The following HIP1 variants were observed in gnomAD, a reference collection of about 807,000 sequenced individuals.
HIP1 encodes huntingtin-interacting protein 1.
Under a neutral mutation model 147.6 loss-of-function variants are expected in HIP1, and 65 were observed. That is an observed-to-expected ratio of 0.44 (90% confidence interval 0.36 to 0.54). The LOEUF (loss-of-function observed/expected upper bound fraction) is 0.54. Ranked by LOEUF, HIP1 falls within the 20% of genes least tolerant of loss-of-function variation. The pLI is 0.00. For synonymous variants in HIP1, 479 were observed against 504.0 expected, an observed-to-expected ratio of 0.95 and a Z score of 0.67; for missense variants, 1,061 against 1,299.6, an observed-to-expected ratio of 0.82 and a Z score of 2.82.
chr7:75,719,271 A>G (rs147654561), intron 1 of HIP1, among the ~76,000 whole-genome samples: 2,812 of 152,110 alleles, frequency 0.018, 59 homozygotes, highest in African/African-American at 0.044. Context: ...TTGGGAGGCC[A>G]AGGCGGGCGG....
intron 14 of HIP1, among the ~76,000 whole-genome samples, chr7:75,559,198 T>C (rs967449844): frequency 8.5e-5 from 13 of 152,168 alleles, no homozygotes. Flanking sequence ...CACTGCAGCC[T>C]TGAATTCCTG....
chr7:75,575,655 A>C (rs1187757076), intron 7 of HIP1, among the ~76,000 whole-genome samples: 4 of 152,044 alleles, frequency 2.6e-5, no homozygotes, highest in Non-Finnish European at 5.9e-5. Flanking sequence ...CTCCCTCCAC[A>C]CTAACCTCCT....
chr7:75,536,503 G>A lies in HIP1; in HGVS notation c.*1669C>T, dbSNP rs1554488687. 4.4e-6 allele frequency: 1 copy of A among 229,506 alleles called. No individual in the cohort carries two copies. Among genetic ancestry groups the A allele is most frequent in the Admixed American group, 5.7e-5 (1 of 17,606 alleles). The allele number at this position is 229,506 out of a possible 1,614,324, so 14.2% of individuals were successfully genotyped here. A position where few individuals can be genotyped will look rare whatever the true frequency, so the allele number is the denominator to read the frequency against. On this transcript the variant is annotated 3_prime_UTR_variant, in exon 31 of 31. Transcript: ENST00000336926. ...TGAGTTGCTATAGATAAAGAAGGAA[G>A]ACGCTGTTTTTCCAAGATCAGAAGG...
intron 8 of HIP1, among the ~76,000 whole-genome samples, chr7:75,570,736 G>A (rs1250654139): frequency 2.6e-5 from 4 of 152,108 alleles, no homozygotes; most frequent in South Asian, 2.1e-4. Context: ...GCCAGCTGCA[G>A]TGGCTCACAA....
intron 1 of HIP1, among the ~76,000 whole-genome samples, chr7:75,637,375 G>A (rs1251881241): frequency 2.6e-5 from 4 of 152,034 alleles, no homozygotes; most frequent in Non-Finnish European, 4.4e-5. Flanking sequence ...AGGGTGATTC[G>A]GTTTAGTGGC....
At chr7:75,643,596 G>A (rs1268972761) in intron 1 of HIP1, among the ~76,000 whole-genome samples, 3 of 152,218 alleles carry the variant, frequency 2.0e-5, no homozygotes, top group Non-Finnish European at 2.9e-5. Context: ...CAGTGGGATG[G>A]GAAGGGTTAG....
At chr7:75,737,468 C>T (rs561483839) in intron 1 of HIP1, among the ~76,000 whole-genome samples, 3 of 152,218 alleles carry the variant, frequency 2.0e-5, no homozygotes, top group African/African-American at 7.2e-5. Flanking sequence ...CCTCAGCCTC[C>T]CAAGTAGCTG....
chr7:75,716,176 G>T (rs1388760167), intron 1 of HIP1, among the ~76,000 whole-genome samples: 2 of 151,972 alleles, frequency 1.3e-5, no homozygotes, highest in East Asian at 3.8e-4. Context: ...TTACTTTCCA[G>T]TATGGAAAGT....
At chr7:75,694,214 G>A (rs551222732) in intron 1 of HIP1, among the ~76,000 whole-genome samples, 2 of 151,956 alleles carry the variant, frequency 1.3e-5, no homozygotes, top group African/African-American at 2.4e-5. Context: ...CACCGCGCCC[G>A]GCCCCAATTC....
chr7:75,596,863 G>A (rs975880923), intron 2 of HIP1, among the ~76,000 whole-genome samples: 9 of 152,304 alleles, frequency 5.9e-5, no homozygotes, highest in Non-Finnish European at 1.2e-4. Flanking sequence ...TGACCCTGCC[G>A]CTGCAGGCCT....
chr7:75,728,850 G>A (rs1801736363), intron 1 of HIP1, among the ~76,000 whole-genome samples: 1 of 149,614 alleles, frequency 6.7e-6, no homozygotes, highest in African/African-American at 2.5e-5. Context: ...CCCTGATGGT[G>A]CCATATCAGG....
intron 4 of HIP1, among the ~76,000 whole-genome samples, chr7:75,587,672 T>C (rs1032588998): frequency 4.6e-5 from 7 of 152,134 alleles, no homozygotes; most frequent in African/African-American, 1.7e-4. Context: ...TACTTAAGAA[T>C]GTTGAGTCTG....
chr7:75,582,280 G>A (rs1220427276), intron 5 of HIP1, 129 bp from the exon 6 acceptor site: 21 of 684,772 alleles, frequency 3.1e-5, no homozygotes, highest in African/African-American at 1.8e-4. Flanking sequence ...GCTTGAGCCC[G>A]GGAGTTCAAG....
Position 75,585,971 on chromosome 7 carries a change from C to G in HIP1, c.465+782G>C, listed in dbSNP as rs781862845. ...CTGGGACTACAGTTGCACACTACCA[C>G]GCCCGGCTAATTTTTAAATTTTTTT... On this transcript the variant is annotated intron_variant, in intron 5 of 30. Transcript: ENST00000336926. 2.6e-5 allele frequency among the ~76,000 whole-genome samples: 4 copies of G among 151,778 alleles called. No homozygotes were observed. The South Asian group carries it at 6.2e-4, about 24-fold the overall frequency.
At chr7:75,689,600 TA>T (rs538089704) in intron 1 of HIP1, among the ~76,000 whole-genome samples, 16 of 152,304 alleles carry the variant, frequency 1.1e-4, no homozygotes, top group Non-Finnish European at 2.1e-4. Context: ...AGATATACAT[TA>T]TATGCATATA....
chr7:75,558,529 A>G (rs781819528), intron 14 of HIP1, among the ~76,000 whole-genome samples: 3 of 151,968 alleles, frequency 2.0e-5, no homozygotes, highest in Non-Finnish European at 2.9e-5. Flanking sequence ...GGGTCTCACT[A>G]TGTTTTCCAG....
At chr7:75,712,899 A>G (rs1554520232) in intron 1 of HIP1, among the ~76,000 whole-genome samples, 2 of 152,130 alleles carry the variant, frequency 1.3e-5, no homozygotes, top group East Asian at 1.9e-4. Context: ...CTGACTTGCT[A>G]ACTCATTTAC....
At chr7:75,593,216 CT>C (rs2041031632) in intron 2 of HIP1, among the ~76,000 whole-genome samples, 1 of 152,176 alleles carries the variant, frequency 6.6e-6, no homozygotes. Context: ...TGGTCCTCCC[CT>C]CTTGGCCTCG....
chr7:75,729,305 C>CA (rs35202804), intron 1 of HIP1, among the ~76,000 whole-genome samples: 1,163 of 49,066 alleles, frequency 0.024, 70 homozygotes, highest in African/African-American at 0.046. Flanking sequence ...CTTGTCTCTG[C>CA]AAAAAAAAAA....
Sources: allele counts gnomAD v4.1 joint callset (sites outside exome capture counted in the v4.1 genomes callset), GRCh38; gene constraint gnomAD v4.1.1; transcripts MANE v1.5; gene names NCBI Gene and HGNC (gene_info 2026-07-23, HGNC 2026-07-21).